Variants in JAKMIP1 observed in about 807,000 individuals in gnomAD.
The protein encoded by JAKMIP1 is janus kinase and microtubule interacting protein 1.
JAKMIP1 carries 33 observed loss-of-function variants against 113.0 expected under a neutral mutation model. The ratio of observed to expected loss-of-function variants is 0.29; its 90% CI spans 0.22 to 0.39. The LOEUF is 0.39. Among genes scored for constraint, JAKMIP1 ranks in the 10% least tolerant of loss-of-function variants. The probability of loss-of-function intolerance (pLI) is 1.00; values close to 1 mark genes in which losing one functional copy is unlikely to be tolerated. For missense variants in JAKMIP1, 813 were observed against 1,080.5 expected (o/e 0.75, Z 3.47); for synonymous variants, 480 against 459.9 (o/e 1.04, Z -0.56).
chr4:6,118,778 G>A (rs909289177), intron 1 of JAKMIP1, among the ~76,000 whole-genome samples: 2 of 152,152 alleles, frequency 1.3e-5, no homozygotes, highest in African/African-American at 4.8e-5. Flanking sequence ...CCAGCTTCTG[G>A]CCAATGAGGG....
At position 6,042,094 on chromosome 4, in the gene JAKMIP1, T is replaced by C. The variant is rs1714393405; in HGVS notation, c.2097+65A>G. On this transcript the variant is annotated intron_variant, in intron 17 of 20. Coordinates refer to ENST00000409021, the MANE Select transcript of JAKMIP1 (RefSeq NM_001099433.2). This position sits in a 1 kb window ranked among gnomAD's most constrained non-coding sequence, Gnocchi z 5.2. ...TAGGAAAACACATGCAAAGCCTTCCTGCAAATCAACCTCTCTGAGCTCTTT... is the reference window on the plus strand; with the variant it reads ...TAGGAAAACACATGCAAAGCCTTCCCGCAAATCAACCTCTCTGAGCTCTTT... 4 of 1,326,558 alleles carry C rather than the reference T, an allele frequency of 3.0e-6. No individual in the cohort carries two copies. Among genetic ancestry groups the C allele is most frequent in the African/African-American group, 1.5e-5 (1 of 68,546 alleles). 82.2% of individuals were successfully genotyped at this position (1,326,558 alleles called of 1,614,324 possible).
At position 6,069,626 on chromosome 4, in the gene JAKMIP1, G is replaced by A. The variant is rs564349519; in HGVS notation, c.1303-4618C>T. Among the ~76,000 whole-genome samples the A allele has an allele frequency of 5.3e-5, 8 of 152,038 alleles. No individual in the cohort carries two copies. The highest frequency in any genetic ancestry group is 1.0e-4 in the Non-Finnish European group (7 of 68,020). On this transcript the variant is annotated intron_variant, in intron 8 of 20. Transcript: ENST00000409021. The surrounding 1 kb of genome is among the most constrained non-coding windows in gnomAD (Gnocchi z 4.5). Reference sequence around the variant, plus strand: ...AAGTTAGCCGAGTATGGTGGCTGACGCCTGTAGTCCCAGCTACTTGGGAGG... The same window carrying A: ...AAGTTAGCCGAGTATGGTGGCTGACACCTGTAGTCCCAGCTACTTGGGAGG...
At chr4:6,078,377 T>A (rs557986081) in intron 8 of JAKMIP1, among the ~76,000 whole-genome samples, 29 of 148,884 alleles carry the variant, frequency 1.9e-4, no homozygotes, top group African/African-American at 6.9e-4. Context: ...CAAAAATAGG[T>A]TTACAGGTTT....
Position 6,031,390 on chromosome 4 carries a change from C to G in JAKMIP1, c.2380-1609G>C, listed in dbSNP as rs1712632285. ...TGAGATCGCGCCATTGCACTCCAGC[C>G]TGGGTGACACAGAGAGACTCCATCT... On this transcript the variant is annotated intron_variant, in intron 19 of 20. Coordinates refer to ENST00000409021, the MANE Select transcript of JAKMIP1 (RefSeq NM_001099433.2). The surrounding 1 kb of genome is among the most constrained non-coding windows in gnomAD (Gnocchi z 4.4). Among the ~76,000 whole-genome samples the G allele has an allele frequency of 3.3e-5, 5 of 152,094 alleles. No individual in the cohort carries two copies. Among genetic ancestry groups the G allele is most frequent in the Admixed American group, 3.3e-4 (5 of 15,274 alleles).
In JAKMIP1 at chr4:6,044,431, C is replaced by T. The variant is rs2108760009; in HGVS notation, c.2029-2204G>A. Among the ~76,000 whole-genome samples, 2 of 152,204 alleles carry T rather than the reference C, an allele frequency of 1.3e-5. No individual in the cohort carries two copies. The highest frequency in any genetic ancestry group is 2.1e-4 in the South Asian group (1 of 4,804). ...TCCTTCCCTAACGCCACAGTGAGCT[C>T]GGCCCCCAGTACGGGCTCTGTGCCA... On this transcript the variant is annotated intron_variant, in intron 16 of 20. Coordinates refer to ENST00000409021, the MANE Select transcript of JAKMIP1 (RefSeq NM_001099433.2). The surrounding 1 kb of genome is among the most constrained non-coding windows in gnomAD (Gnocchi z 4.4).
chr4:6,048,829 T>G, intron 16 of JAKMIP1, 28 bp downstream of exon 16: 1 of 1,600,422 alleles, frequency 6.2e-7, no homozygotes, highest in Non-Finnish European at 8.6e-7. Flanking sequence ...GGACAAGGTG[T>G]GAGCACAGAA....
At chr4:6,122,959 TTCA>T (rs1716916305) in intron 1 of JAKMIP1, among the ~76,000 whole-genome samples, 1 of 152,226 alleles carries the variant, frequency 6.6e-6, no homozygotes, top group Non-Finnish European at 1.5e-5. Flanking sequence ...TTTTAAGGTA[TTCA>T]GAACAGGGAC....
intron 1 of JAKMIP1, among the ~76,000 whole-genome samples, chr4:6,113,820 G>A (rs548818543): frequency 6.6e-6 from 1 of 152,144 alleles, no homozygotes; most frequent in Non-Finnish European, 1.5e-5. Context: ...ACGAGGATGG[G>A]TTCCCAGTAA....
chr4:6,030,467 C>T (rs577714912), intron 19 of JAKMIP1, among the ~76,000 whole-genome samples: 7 of 152,254 alleles, frequency 4.6e-5, no homozygotes, highest in Non-Finnish European at 1.0e-4. Context: ...GAATTAATTC[C>T]CTGGGTGGTT....
chr4:6,119,380 G>A (rs989558804), intron 1 of JAKMIP1, among the ~76,000 whole-genome samples: 2 of 152,044 alleles, frequency 1.3e-5, no homozygotes, highest in South Asian at 2.1e-4. Flanking sequence ...CCCCCCTCTC[G>A]GCTAAATGTA....
intron 19 of JAKMIP1, among the ~76,000 whole-genome samples, chr4:6,034,352 G>A (rs745361282): frequency 4.6e-5 from 7 of 152,124 alleles, no homozygotes; most frequent in East Asian, 1.9e-4. Flanking sequence ...GAGCCCGGCC[G>A]TCTGGTCCCA....
Position 6,108,682 on chromosome 4 carries a change from A to G in JAKMIP1, c.130-2715T>C, listed in dbSNP as rs1714370525. 6.6e-6 allele frequency among the ~76,000 whole-genome samples: 1 copy of G among 151,974 alleles called. No individual in the cohort carries two copies. Among genetic ancestry groups the G allele is most frequent in the Non-Finnish European group, 1.5e-5 (1 of 67,972 alleles). On this transcript the variant is annotated intron_variant, in intron 2 of 20. Transcript: ENST00000409021. This position sits in a 1 kb window ranked among gnomAD's most constrained non-coding sequence, Gnocchi z 5.6. ...CCATGCTCAAAGCCCTCTAAATCTCATGGGTACCAGTTCACTACTCTGAAA... is the reference window on the plus strand; with the variant it reads ...CCATGCTCAAAGCCCTCTAAATCTCGTGGGTACCAGTTCACTACTCTGAAA...
intron 3 of JAKMIP1, among the ~76,000 whole-genome samples, chr4:6,100,450 T>G (rs1047416621): frequency 6.6e-6 from 1 of 152,260 alleles, no homozygotes; most frequent in African/African-American, 2.4e-5. Flanking sequence ...AATCACATTG[T>G]GTTATATAGA....
rs1714274324 is a variant in JAKMIP1 at position 6,108,112 on chromosome 4, G to A, written c.130-2145C>T. On this transcript the variant is annotated intron_variant, in intron 2 of 20. Transcript: ENST00000409021. The surrounding 1 kb of genome is among the most constrained non-coding windows in gnomAD (Gnocchi z 5.6). ...CTGCTGAGGCTGGTGATCCAGGTGT[G>A]TAGGGCAGGGATGGTGACAGAGAGG... is the stretch of plus-strand genomic sequence containing the variant. 6.6e-6 allele frequency among the ~76,000 whole-genome samples: 1 copy of A among 152,144 alleles called. No homozygotes were observed. The highest frequency in any genetic ancestry group is 1.9e-4 in the East Asian group (1 of 5,186).
intron 1 of JAKMIP1, among the ~76,000 whole-genome samples, chr4:6,174,836 C>T (rs10026925): frequency 0.34 from 51,983 of 151,360 alleles, 9,295 homozygotes; most frequent in Non-Finnish European, 0.4. Flanking sequence ...CTTCTGTCGC[C>T]CCAACTGTTT....
At chr4:6,177,799 T>A (rs965147632) in intron 1 of JAKMIP1, among the ~76,000 whole-genome samples, 1 of 152,296 alleles carries the variant, frequency 6.6e-6, no homozygotes, top group South Asian at 2.1e-4. Context: ...ATCTTCACAG[T>A]GACCTGGGTG....
chr4:6,113,240 C>T (rs574169257), intron 1 of JAKMIP1, among the ~76,000 whole-genome samples: 2 of 152,148 alleles, frequency 1.3e-5, no homozygotes, highest in Non-Finnish European at 2.9e-5. Context: ...AGGTGAGGCT[C>T]CCAGGTGACC....
chr4:6,060,671 C>T (rs756672578), intron 10 of JAKMIP1, among the ~76,000 whole-genome samples, 164 bp from the exon 11 acceptor site: 2 of 152,230 alleles, frequency 1.3e-5, no homozygotes, highest in South Asian at 2.1e-4. Flanking sequence ...CTACTAGAAG[C>T]ATGGCTCAGC....
intron 19 of JAKMIP1, among the ~76,000 whole-genome samples, chr4:6,035,146 T>C (rs908634826): frequency 2.6e-5 from 4 of 152,106 alleles, no homozygotes; most frequent in African/African-American, 9.7e-5. Context: ...TTTCTCTCTC[T>C]CTCTGCCCGC....
Sources: allele counts gnomAD v4.1 joint callset (sites outside exome capture counted in the v4.1 genomes callset), GRCh38; gene constraint gnomAD v4.1.1; non-coding constraint Gnocchi (gnomAD v3.1); transcripts MANE v1.5; gene names NCBI Gene and HGNC (gene_info 2026-07-23, HGNC 2026-07-21).